The following FLT1 variants were observed in gnomAD, a reference collection of about 807,000 sequenced individuals.
FLT1 encodes vascular endothelial growth factor receptor 1.
A neutral mutation model predicts 156.3 loss-of-function variants in FLT1; 49 were observed. The ratio of observed to expected loss-of-function variants is 0.31; its 90% CI spans 0.25 to 0.40. The LOEUF is 0.40. Among genes scored for constraint, FLT1 ranks in the 10% least tolerant of loss-of-function variants. FLT1 has a pLI of 1.00. For missense variants in FLT1, 1,322 were observed against 1,637.2 expected, an observed-to-expected ratio of 0.81 and a Z score of 3.32; for synonymous variants, 594 against 583.8, an observed-to-expected ratio of 1.02 and a Z score of -0.25.
chr13:28,462,895 G>T (rs1167131805), intron 3 of FLT1, among the ~76,000 whole-genome samples: 2 of 152,072 alleles, frequency 1.3e-5, no homozygotes, highest in African/African-American at 4.8e-5. Context: ...CCTCAGTCTT[G>T]CCCCTTCCGA....
intron 14 of FLT1, among the ~76,000 whole-genome samples, chr13:28,376,257 T>C (rs1873835898): frequency 6.6e-6 from 1 of 152,156 alleles, no homozygotes; most frequent in Non-Finnish European, 1.5e-5. Flanking sequence ...ATCAAGAAGA[T>C]TTCATTTAAG....
chr13:28,441,361 G>A (rs185389842), intron 3 of FLT1, among the ~76,000 whole-genome samples: 1 of 152,302 alleles, frequency 6.6e-6, no homozygotes, highest in East Asian at 1.9e-4. Flanking sequence ...TCTGCCAAGT[G>A]TAGTTTGCTT....
At chr13:28,492,361 A>G (rs1039816431) in intron 1 of FLT1, among the ~76,000 whole-genome samples, 7 of 152,236 alleles carry the variant, frequency 4.6e-5, no homozygotes, top group African/African-American at 1.7e-4. Flanking sequence ...CTTAAAAGTA[A>G]GAAATGAGAC....
intron 6 of FLT1, among the ~76,000 whole-genome samples, chr13:28,432,804 T>C (rs1321031318): frequency 9.2e-5 from 14 of 152,238 alleles, no homozygotes; most frequent in African/African-American, 3.4e-4. Context: ...TAAAAGTTTC[T>C]TCCCTCTTGG....
chr13:28,482,298 C>T lies in FLT1; in HGVS notation c.64+12482G>A, dbSNP rs182382053. ...TACTAAAAATACAATATTAGCCCAG[C>T]GTGGCGGTGCATGCCTGTAATCCCA... On this transcript the variant is annotated intron_variant, in intron 1 of 29. Transcript: ENST00000282397. Among the ~76,000 whole-genome samples the T allele has an allele frequency of 2.1e-4, 32 of 152,034 alleles. No individual in the cohort carries two copies. The East Asian group carries it at 5.4e-3, about 26-fold the overall frequency.
chr13:28,474,605 T>A (rs1880445210), intron 1 of FLT1, among the ~76,000 whole-genome samples: 1 of 151,962 alleles, frequency 6.6e-6, no homozygotes, highest in South Asian at 2.1e-4. Flanking sequence ...ATATGAAATG[T>A]TCAGAGCAGG....
At chr13:28,385,719 GATACA>G (rs1478773260) in intron 13 of FLT1, 136 of 961,664 alleles carry the variant, frequency 1.4e-4, no homozygotes, top group South Asian at 5.9e-4. Flanking sequence ...ATACAAATAT[GATACA>G]ATACAATTTA....
rs759916470 is a variant in FLT1, at chr13:28,303,349, T to C, written c.3835A>G (p.Ser1279Gly). Residue 1279 changes from serine (S) to glycine (G), a missense_variant, in exon 30 of 30, where the codon AGT (serine) becomes GGT (glycine). Around this residue, in one of 3 missense-constraint regions of FLT1, gnomAD observed 329 missense variants for 366.2 expected, o/e 0.90. Transcript: ENST00000282397. ...LKIDLRVTSK[S>G]KESGLSDVSR... ...ACATCAGACAGCCCCGACTCCTTAC[T>C]TTTACTGGTTACTCTCAAGCTAAAG... 5 of 1,613,924 alleles carry C rather than the reference T, an allele frequency of 3.1e-6. No individual in the cohort carries two copies. In the African/African-American group the frequency reaches 6.7e-5, roughly 22 times the overall value.
chr13:28,305,518 T>C (rs1870707388), intron 29 of FLT1, among the ~76,000 whole-genome samples: 1 of 152,192 alleles, frequency 6.6e-6, no homozygotes, highest in East Asian at 1.9e-4. Context: ...CTCATGGTAG[T>C]CTTGATTTGT....
intron 20 of FLT1, 77 bp downstream of exon 20, chr13:28,327,385 C>T: frequency 2.3e-6 from 2 of 881,272 alleles, no homozygotes; most frequent in East Asian, 4.8e-5. Flanking sequence ...ATACAGGTTT[C>T]TCTTGCTTTA....
intron 3 of FLT1, among the ~76,000 whole-genome samples, chr13:28,451,627 G>T (rs1245042215): frequency 6.6e-6 from 1 of 152,104 alleles, no homozygotes; most frequent in Admixed American, 6.6e-5. Context: ...CGGCGGGGGA[G>T]GGGAGCGGGT....
rs2138813777 is a variant in FLT1 at position 28,311,668 on chromosome 13, G to A, written c.3557C>T (p.Thr1186Ile). 6.2e-7 allele frequency: 1 copy of A among 1,613,578 alleles called. No individual in the cohort carries two copies. The highest frequency in any genetic ancestry group is 8.5e-7 in the Non-Finnish European group (1 of 1,179,526). Residue 1186 changes from threonine to isoleucine, a missense_variant, in exon 27 of 30, where the codon ACT (threonine) becomes ATT (isoleucine). Thr to Ile is a moderately conservative substitution (Grantham distance 89). Coordinates refer to ENST00000282397, the MANE Select transcript of FLT1 (RefSeq NM_002019.4). ...GAAGAAGTCCTCAGAGAAGGCAGGA[G>A]TTGAGTATGTAAACCCACTATTTCC... ...LTGNSGFTYS[T>I]PAFSEDFFKE...
chr13:28,340,109 G>C (rs984493931), intron 16 of FLT1, among the ~76,000 whole-genome samples: 5 of 152,122 alleles, frequency 3.3e-5, no homozygotes, highest in African/African-American at 1.2e-4. Context: ...CAGCTACTTG[G>C]GAGGCTGAGG....
intron 15 of FLT1, among the ~76,000 whole-genome samples, chr13:28,353,856 T>C (rs1198915580): frequency 6.6e-6 from 1 of 152,208 alleles, no homozygotes; most frequent in Non-Finnish European, 1.5e-5. Flanking sequence ...GACTCCACAG[T>C]TCATTCATCC....
At chr13:28,432,329 CAT>C (rs910993081) in intron 6 of FLT1, among the ~76,000 whole-genome samples, 1 of 152,176 alleles carries the variant, frequency 6.6e-6, no homozygotes, top group Non-Finnish European at 1.5e-5. Flanking sequence ...CAGACAGACA[CAT>C]GTTGAGGCCA....
At chr13:28,397,666 C>T (rs1257164905) in intron 11 of FLT1, among the ~76,000 whole-genome samples, 1 of 151,842 alleles carries the variant, frequency 6.6e-6, no homozygotes, top group African/African-American at 2.4e-5. Flanking sequence ...GGACAACAGG[C>T]ACATGCCACT....
Position 28,357,422 on chromosome 13 carries a change from GA to G in FLT1, c.2248+131del, listed in dbSNP as rs1261180256. 4.4e-6 allele frequency: 4 copies of G among 900,280 alleles called. No individual in the cohort carries two copies. The African/African-American group carries it at 6.5e-5, about 15-fold the overall frequency. The allele number at this position is 900,280 out of a possible 1,614,324, so 55.8% of individuals were successfully genotyped here. A position where few individuals can be genotyped will look rare whatever the true frequency, so the allele number is the denominator to read the frequency against. On this transcript the variant is annotated intron_variant, in intron 15 of 29. Coordinates refer to ENST00000282397, the MANE Select transcript of FLT1 (RefSeq NM_002019.4). ...GACAGTCCCTTCCCGGAGTGGCAGGGAGAGGGGAGAAGGAGGTCAGGGAAAG... is the reference window on the plus strand; with the variant it reads ...GACAGTCCCTTCCCGGAGTGGCAGGGGAGGGGAGAAGGAGGTCAGGGAAAG...
Position 28,390,071 on chromosome 13 carries a change from T to C in FLT1, c.1694A>G (p.Lys565Arg). 1 of 1,614,196 alleles carries C rather than the reference T, an allele frequency of 6.2e-7. No individual in the cohort carries two copies. Among genetic ancestry groups the C allele is most frequent in the Admixed American group, 1.7e-5 (1 of 60,028 alleles). Reference protein sequence around the residue: ...VPNGFHVNLEKMPTEGEDLKL... With the variant: ...VPNGFHVNLERMPTEGEDLKL... ...CAGGTCCTCTCCTTCCGTCGGCATT[T>C]TTTCCAAGTTAACATGAAACCCATT... The change falls in exon 13 of 30, where the codon AAA becomes AGA. Residue 565 changes from lysine to arginine, a missense_variant. Coordinates refer to ENST00000282397, the MANE Select transcript of FLT1 (RefSeq NM_002019.4).
chr13:28,412,328 TCTTTTCTTTCTTTCTTTCTTTC>T (rs1876268211), intron 10 of FLT1, among the ~76,000 whole-genome samples: 1 of 65,722 alleles, frequency 1.5e-5, no homozygotes, highest in African/African-American at 5.1e-5. Context: ...TTTCTTTCTT[TCTTTTCTTTCTTTCTTTCTTTC>T]TCTTTCTTTC....
Sources: allele counts gnomAD v4.1 joint callset (sites outside exome capture counted in the v4.1 genomes callset), GRCh38; gene constraint gnomAD v4.1.1; regional missense constraint gnomAD v4.1.1; transcripts MANE v1.5; gene names NCBI Gene and HGNC (gene_info 2026-07-23, HGNC 2026-07-21).